The following NET1 variants were observed in gnomAD, a reference collection of about 807,000 sequenced individuals.
NET1 encodes neuroepithelial cell transforming 1, also known as neuroepithelial cell-transforming gene 1 protein.
A neutral mutation model predicts 61.1 loss-of-function variants in NET1; 42 were observed. The ratio of observed to expected loss-of-function variants is 0.69; its 90% CI spans 0.54 to 0.89. The LOEUF is 0.89. Ranked by LOEUF, NET1 falls within the 40% of genes least tolerant of loss-of-function variation. NET1 has a pLI of 0.00. For synonymous variants in NET1, 254 were observed against 281.8 expected (o/e 0.90, Z 0.99); for missense variants, 654 against 747.3 (o/e 0.88, Z 1.46).
rs905466151 is a variant in NET1 at position 5,415,482 on chromosome 10, G to A, written c.128+2662G>A. Among the ~76,000 whole-genome samples the A allele has an allele frequency of 1.4e-5, 2 of 147,644 alleles. No homozygotes were observed. The highest frequency in any genetic ancestry group is 2.0e-4 in the East Asian group (1 of 5,030). ...TGAGACGGAGTCTCAGTCTGTCACC[G>A]GGGCTGGAGTACAGTGGCATGATCT... On this transcript the variant is annotated intron_variant, in intron 1 of 11. Coordinates refer to ENST00000355029, the MANE Select transcript of NET1 (RefSeq NM_001047160.3). The surrounding 1 kb of genome is among the most constrained non-coding windows in gnomAD (Gnocchi z 4.7).
intron 3 of NET1, among the ~76,000 whole-genome samples, chr10:5,436,200 G>GCA: frequency 1.4e-5 from 1 of 73,382 alleles, no homozygotes; most frequent in Non-Finnish European, 2.5e-5. Context: ...GTGTGTGTGT[G>GCA]TGTGTGTGTG....
At position 5,412,979 on chromosome 10, in the gene NET1, G is replaced by C. The variant is rs1480185012; in HGVS notation, c.128+159G>C. On this transcript the variant is annotated intron_variant, in intron 1 of 11. Transcript: ENST00000355029. The surrounding 1 kb of genome is among the most constrained non-coding windows in gnomAD (Gnocchi z 6.5). ...CGAGTGGGGGTGTTGGTGAGGGCCA[G>C]GGGGAGGCGAGGGCCGCTGGGAGGT... is the stretch of plus-strand genomic sequence containing the variant. Among the ~76,000 whole-genome samples the C allele has an allele frequency of 7.3e-6, 1 of 136,142 alleles. No individual in the cohort carries two copies. Among genetic ancestry groups the C allele is most frequent in the Non-Finnish European group, 1.6e-5 (1 of 62,114 alleles). 89.3% of individuals were successfully genotyped at this position (136,142 alleles called of 152,430 possible). A position where few individuals can be genotyped will look rare whatever the true frequency, so the allele number is the denominator to read the frequency against.
chr10:5,446,928 A>T lies in NET1; in HGVS notation c.256-4902A>T, dbSNP rs1345576259. The T allele has an allele frequency of 7.7e-7, 1 of 1,299,004 alleles. No homozygotes were observed. The highest frequency in any genetic ancestry group is 1.1e-6 in the Non-Finnish European group (1 of 921,508). 80.5% of individuals were successfully genotyped at this position (1,299,004 alleles called of 1,614,324 possible). On this transcript the variant is annotated intron_variant, in intron 3 of 11. Transcript: ENST00000355029. This position sits in a 1 kb window ranked among gnomAD's most constrained non-coding sequence, Gnocchi z 5.0. ...CTCCACGGAGCTTTTAAAATTTTTA[A>T]CAAGGTATTAACAGTATAATTTTAA...
chr10:5,442,652 T>C (rs57445998), intron 3 of NET1, among the ~76,000 whole-genome samples: 3,314 of 152,284 alleles, frequency 0.022, 105 homozygotes, highest in East Asian at 0.1. Context: ...TCCAGCACTT[T>C]GGGAGGCCAA....
intron 3 of NET1, among the ~76,000 whole-genome samples, chr10:5,448,672 AT>A (rs55722042): frequency 1.3e-4 from 16 of 126,750 alleles, no homozygotes; most frequent in South Asian, 2.5e-4. Flanking sequence ...GGATTTTTGG[AT>A]TTTTTTTTTT....
intron 2 of NET1, among the ~76,000 whole-genome samples, chr10:5,428,038 C>CTTTTTTTTTTTT (rs57698527): frequency 1.8e-5 from 2 of 113,904 alleles, no homozygotes; most frequent in African/African-American, 6.8e-5. Flanking sequence ...TTTGCCGTTC[C>CTTTTTTTTTTTT]TTTTTTTTTT....
At chr10:5,432,376 A>G (rs1241180799) in intron 3 of NET1, among the ~76,000 whole-genome samples, 2 of 152,232 alleles carry the variant, frequency 1.3e-5, no homozygotes, top group African/African-American at 4.8e-5. Flanking sequence ...TTTGATTTAT[A>G]CTACAGTTCA....
Position 5,457,169 on chromosome 10 carries a change from G to T in NET1, c.*175G>T. 4.6e-6 allele frequency: 2 copies of T among 438,496 alleles called. No individual in the cohort carries two copies. The highest frequency in any genetic ancestry group is 7.6e-6 in the Non-Finnish European group (2 of 262,326). 27.2% of individuals were successfully genotyped at this position (438,496 alleles called of 1,614,324 possible). On this transcript the variant is annotated 3_prime_UTR_variant, in exon 12 of 12. Coordinates refer to ENST00000355029, the MANE Select transcript of NET1 (RefSeq NM_001047160.3). The surrounding 1 kb of genome is among the most constrained non-coding windows in gnomAD (Gnocchi z 5.4). Reference sequence around the variant, plus strand: ...GGCAGCTAAAGATATACAGATTACTGTTAAATTGCAGTCCTTTTTTTTTTA... The same window carrying T: ...GGCAGCTAAAGATATACAGATTACTTTTAAATTGCAGTCCTTTTTTTTTTA...
In NET1 at chr10:5,417,904, T is replaced by C. The variant is rs1832108184; in HGVS notation, c.128+5084T>C. On this transcript the variant is annotated intron_variant, in intron 1 of 11. Transcript: ENST00000355029. This position sits in a 1 kb window ranked among gnomAD's most constrained non-coding sequence, Gnocchi z 5.5. Reference sequence around the variant, plus strand: ...AAAGGTTTTAGGGTTTTTTTTCTTTTGTCTATTGAAATGATCATGTGGTTG... The same window carrying C: ...AAAGGTTTTAGGGTTTTTTTTCTTTCGTCTATTGAAATGATCATGTGGTTG... 6.6e-6 allele frequency among the ~76,000 whole-genome samples: 1 copy of C among 152,206 alleles called. No individual in the cohort carries two copies. Among genetic ancestry groups the C allele is most frequent in the Non-Finnish European group, 1.5e-5 (1 of 68,030 alleles).
chr10:5,420,304 G>A lies in NET1; in HGVS notation c.129-6351G>A, dbSNP rs113885500. Among the ~76,000 whole-genome samples the A allele has an allele frequency of 2.4e-3, 371 of 152,270 alleles. No homozygotes were observed. Among genetic ancestry groups the A allele is most frequent in the African/African-American group, 8.6e-3 (357 of 41,550 alleles). On this transcript the variant is annotated intron_variant, in intron 1 of 11. Transcript: ENST00000355029. This position sits in a 1 kb window ranked among gnomAD's most constrained non-coding sequence, Gnocchi z 5.3. The stretch of plus-strand genomic sequence containing the variant: ...CCTAGCACATTTGTGTAGTAGAAAG[G>A]TTAGAAAAAACAGGAGGAGGAAGCT...
At position 5,434,559 on chromosome 10, in the gene NET1, G is replaced by A. The variant is rs538701975; in HGVS notation, c.255+5330G>A. Among the ~76,000 whole-genome samples the A allele has an allele frequency of 4.6e-5, 7 of 152,184 alleles. No homozygotes were observed. The East Asian group carries it at 7.7e-4, about 17-fold the overall frequency. On this transcript the variant is annotated intron_variant, in intron 3 of 11. Transcript: ENST00000355029. ...TTCCCAGGGCCATCAGAAAAACCCC[G>A]TGCCTTCCCTCTGCCTCATCATACA...
Position 5,456,587 on chromosome 10 carries a change from G to A in NET1, c.1385-1G>A. ...TTTTTTTTTCCAATTTTTTTTTTCA[G>A]CTAAAAATATCTTTAGAATTCGCTT... On this transcript the variant is annotated splice_acceptor_variant, in intron 11 of 11. Transcript: ENST00000355029. LOFTEE classifies it high-confidence loss of function. The surrounding 1 kb of genome is among the most constrained non-coding windows in gnomAD (Gnocchi z 7.0). The A allele has an allele frequency of 6.7e-7, 1 of 1,488,400 alleles. No individual in the cohort carries two copies. The highest frequency in any genetic ancestry group is 8.9e-7 in the Non-Finnish European group (1 of 1,119,138). 92.2% of individuals were successfully genotyped at this position (1,488,400 alleles called of 1,614,324 possible).
At position 5,420,846 on chromosome 10, in the gene NET1, G is replaced by C. The variant is rs1832163452; in HGVS notation, c.129-5809G>C. On this transcript the variant is annotated intron_variant, in intron 1 of 11. Transcript: ENST00000355029. This position sits in a 1 kb window ranked among gnomAD's most constrained non-coding sequence, Gnocchi z 5.3. ...CCTGACCTCGTGAACCGCCCACCTT[G>C]ACCTCCCAAAGTGCTGGGATTACAA... Among the ~76,000 whole-genome samples, 1 of 152,024 alleles carries C rather than the reference G, an allele frequency of 6.6e-6. No homozygotes were observed. Among genetic ancestry groups the C allele is most frequent in the Non-Finnish European group, 1.5e-5 (1 of 68,012 alleles).
intron 3 of NET1, among the ~76,000 whole-genome samples, chr10:5,445,269 C>G (rs1373066116): frequency 6.6e-6 from 1 of 152,052 alleles, no homozygotes; most frequent in Non-Finnish European, 1.5e-5. Flanking sequence ...ACAGACATAA[C>G]ATCTTAAACC....
In NET1 at chr10:5,431,937, T is replaced by C. The variant is rs912357970; in HGVS notation, c.255+2708T>C. Among the ~76,000 whole-genome samples, 1 of 152,158 alleles carries C rather than the reference T, an allele frequency of 6.6e-6. No homozygotes were observed. Among genetic ancestry groups the C allele is most frequent in the Non-Finnish European group, 1.5e-5 (1 of 68,032 alleles). On this transcript the variant is annotated intron_variant, in intron 3 of 11. Transcript: ENST00000355029. The surrounding 1 kb of genome is among the most constrained non-coding windows in gnomAD (Gnocchi z 4.9). The stretch of plus-strand genomic sequence containing the variant: ...GTTATTCTTACTGATGCCTCACATA[T>C]CTGTCTTTGGCTGTTGGATGCTGTT...
rs1434747424 is a variant in NET1, at chr10:5,455,790, A to G, written c.1198-297A>G. Among the ~76,000 whole-genome samples, 1 of 152,192 alleles carries G rather than the reference A, an allele frequency of 6.6e-6. No homozygotes were observed. Among genetic ancestry groups the G allele is most frequent in the East Asian group, 1.9e-4 (1 of 5,200 alleles). On this transcript the variant is annotated intron_variant, in intron 10 of 11. Coordinates refer to ENST00000355029, the MANE Select transcript of NET1 (RefSeq NM_001047160.3). The surrounding 1 kb of genome is among the most constrained non-coding windows in gnomAD (Gnocchi z 6.5). ...CTGTGGTATACAACGCTAGTGTTTC[A>G]AGTCATGTTGCTACTAATAGGTCTT... is the stretch of plus-strand genomic sequence containing the variant.
rs557297653 is a variant in NET1, at chr10:5,440,204, G to A, written c.255+10975G>A. Among the ~76,000 whole-genome samples the A allele has an allele frequency of 7.9e-5, 12 of 152,314 alleles. No individual in the cohort carries two copies. Among genetic ancestry groups the A allele is most frequent in the South Asian group, 2.1e-4 (1 of 4,818 alleles). On this transcript the variant is annotated intron_variant, in intron 3 of 11. Coordinates refer to ENST00000355029, the MANE Select transcript of NET1 (RefSeq NM_001047160.3). This position sits in a 1 kb window ranked among gnomAD's most constrained non-coding sequence, Gnocchi z 4.1. ...TTCTGTGAAATATCCGGTCCTTGCC[G>A]ACTTTGTGACAGAAAACAAAGTGAA...
rs781241424 is a variant in NET1 at position 5,456,750 on chromosome 10, C to T, written c.1547C>T (p.Pro516Leu). 17 of 1,613,940 alleles carry T rather than the reference C, an allele frequency of 1.1e-5. No homozygotes were observed. In the East Asian group the frequency reaches 1.1e-4, roughly 11 times the overall value. The change falls in exon 12 of 12, where the codon CCG becomes CTG. Residue 516 changes from proline (P) to leucine (L), a missense_variant. Physicochemically the swap from Pro to Leu is moderately conservative, Grantham distance 98. Transcript: ENST00000355029. This position sits in a 1 kb window ranked among gnomAD's most constrained non-coding sequence, Gnocchi z 7.0. The part of the protein sequence containing the change: ...AGSPPELQGL[P>L]ELHEECEGNH... ...AGTCCACCTGAGCTGCAGGGCCTGC[C>T]GGAGCTGCACGAAGAGTGTGAGGGG...
At chr10:5,448,858 A>C (rs767727734) in intron 3 of NET1, among the ~76,000 whole-genome samples, 1 of 151,958 alleles carries the variant, frequency 6.6e-6, no homozygotes, top group Non-Finnish European at 1.5e-5. Flanking sequence ...CTCCCCCTTC[A>C]TCACCTCCAA....
Sources: allele counts gnomAD v4.1 joint callset (sites outside exome capture counted in the v4.1 genomes callset), GRCh38; gene constraint gnomAD v4.1.1; non-coding constraint Gnocchi (gnomAD v3.1); transcripts MANE v1.5; gene names NCBI Gene and HGNC (gene_info 2026-07-23, HGNC 2026-07-21).